FAT3: variants seen among roughly 807,000 people sequenced by gnomAD.
FAT3 encodes FAT atypical cadherin 3.
FAT3 carries 95 observed loss-of-function variants against 310.2 expected under a neutral mutation model. That is an observed-to-expected ratio of 0.31 (90% CI 0.26 to 0.36). The LOEUF (loss-of-function observed/expected upper bound fraction) is 0.36. Among genes scored for constraint, FAT3 ranks in the 10% least tolerant of loss-of-function variants. The pLI is 1.00. For missense variants in FAT3, 5,408 were observed against 5,715.6 expected, an observed-to-expected ratio of 0.95 and a Z score of 1.74; for synonymous variants, 2,314 against 2,192.9, an observed-to-expected ratio of 1.06 and a Z score of -1.54.
intron 1 of FAT3, among the ~76,000 whole-genome samples, chr11:92,301,490 G>C (rs1946996542): frequency 6.6e-6 from 1 of 151,952 alleles, no homozygotes; most frequent in Admixed American, 6.6e-5. Flanking sequence ...CTTATTTCTG[G>C]GCCCATAGCT....
rs557433144 is a variant in FAT3, at chr11:92,419,723, C to A, written c.3292+64319C>A. ...ATATTTCTTAACCTCCAGCTGTGTA[C>A]CTGTCACTAAAGCCAGGGACCCTGA... On this transcript the variant is annotated intron_variant, in intron 2 of 27. Coordinates refer to ENST00000525166, the MANE Select transcript of FAT3 (RefSeq NM_001367949.2). 3.3e-5 allele frequency among the ~76,000 whole-genome samples: 5 copies of A among 152,186 alleles called. No homozygotes were observed. The East Asian group carries it at 9.7e-4, about 29-fold the overall frequency.
At chr11:92,636,967 G>A (rs993748303) in intron 3 of FAT3, among the ~76,000 whole-genome samples, 1 of 152,190 alleles carries the variant, frequency 6.6e-6, no homozygotes, top group Non-Finnish European at 1.5e-5. Flanking sequence ...GGCCATCACT[G>A]CAGATGCAGC....
At chr11:92,235,869 C>G (rs1864396307) in intron 1 of FAT3, among the ~76,000 whole-genome samples, 1 of 152,160 alleles carries the variant, frequency 6.6e-6, no homozygotes, top group African/African-American at 2.4e-5. Flanking sequence ...GTCCAGCCGC[C>G]TTTCAGTAGC....
At chr11:92,498,265 A>G (rs866577650) in intron 2 of FAT3, 16 of 223,188 alleles carry the variant, frequency 7.2e-5, no homozygotes, top group East Asian at 3.3e-4. Flanking sequence ...AGTTTTCCCA[A>G]TTCAAACTTG....
At chr11:92,744,716 T>C (rs1024769621) in intron 4 of FAT3, among the ~76,000 whole-genome samples, 2 of 152,160 alleles carry the variant, frequency 1.3e-5, no homozygotes, top group African/African-American at 4.8e-5. Context: ...GGAATTTGAA[T>C]TTTTATATGA....
In FAT3 at chr11:92,844,745, T is replaced by G; in HGVS notation, c.11365+13T>G. Reference sequence around the variant, plus strand: ...TGCACCTGCAATGGTGAGTGCAGTTTTGAGTGTTCCCTCTCAACTCCTGAG... The same window carrying G: ...TGCACCTGCAATGGTGAGTGCAGTTGTGAGTGTTCCCTCTCAACTCCTGAG... On this transcript the variant is annotated intron_variant, in intron 19 of 27. Coordinates refer to ENST00000525166, the MANE Select transcript of FAT3 (RefSeq NM_001367949.2). The G allele has an allele frequency of 1.3e-6, 2 of 1,495,942 alleles. No homozygotes were observed. The highest frequency in any genetic ancestry group is 1.4e-5 in the African/African-American group (1 of 72,398). 92.7% of individuals were successfully genotyped at this position (1,495,942 alleles called of 1,614,324 possible).
At chr11:92,226,742 C>G (rs1462414616) in intron 1 of FAT3, among the ~76,000 whole-genome samples, 1 of 152,116 alleles carries the variant, frequency 6.6e-6, no homozygotes, top group East Asian at 1.9e-4. Flanking sequence ...ATCTGGTGGA[C>G]TCCTAGCGCC....
Position 92,280,473 on chromosome 11 carries a change from T to G in FAT3, c.-18+55299T>G, listed in dbSNP as rs988856618. Among the ~76,000 whole-genome samples the G allele has an allele frequency of 2.0e-5, 3 of 152,352 alleles. No homozygotes were observed. In the East Asian group the frequency reaches 5.8e-4, roughly 29 times the overall value. On this transcript the variant is annotated intron_variant, in intron 1 of 27. Transcript: ENST00000525166. ...GTTGAAAACACATATGTATTCCTTT[T>G]TGTGCATTACTGCTGTCCTGCTTAA...
intron 19 of FAT3, among the ~76,000 whole-genome samples, chr11:92,845,397 G>A (rs539369048): frequency 1.3e-5 from 2 of 152,292 alleles, no homozygotes; most frequent in Admixed American, 1.3e-4. Flanking sequence ...AAACAAGTTA[G>A]GAAGCTGTTG....
At chr11:92,276,655 TA>T (rs1486888476) in intron 1 of FAT3, among the ~76,000 whole-genome samples, 1 of 152,064 alleles carries the variant, frequency 6.6e-6, no homozygotes, top group Non-Finnish European at 1.5e-5. Context: ...ATGTATAGAG[TA>T]GACATAGCAC....
At chr11:92,390,758 C>T (rs971043163) in intron 2 of FAT3, among the ~76,000 whole-genome samples, 1 of 152,144 alleles carries the variant, frequency 6.6e-6, no homozygotes, top group African/African-American at 2.4e-5. Flanking sequence ...ATGACCAAAA[C>T]AGGACCTCCA....
intron 3 of FAT3, among the ~76,000 whole-genome samples, chr11:92,617,051 G>A (rs1377765480): frequency 6.6e-6 from 1 of 152,138 alleles, no homozygotes; most frequent in Non-Finnish European, 1.5e-5. Flanking sequence ...AAGTTCTCCT[G>A]GATAATATCC....
Position 92,844,570 on chromosome 11 carries a change from A to T in FAT3, c.11203A>T (p.Ile3735Phe), listed in dbSNP as rs780652730. 6.2e-6 allele frequency: 10 copies of T among 1,614,010 alleles called. No individual in the cohort carries two copies. ...ARRHLENIMR[I>F]SAILEKNCSG... ...AAGACACCTGGAGAATATCATGCGC[A>T]TCTCAGCCATCTTGGAGAAGAACTG... Residue 3735 changes from isoleucine (I) to phenylalanine (F), a missense_variant, in exon 19 of 28, where the codon ATC becomes TTC. By Grantham distance (21) the Ile-to-Phe change is conservative. Around this residue, in one of 5 missense-constraint regions of FAT3, gnomAD observed 4,588 missense variants for 4,809.8 expected, o/e 0.95. Transcript: ENST00000525166.
rs11020093 is a variant in FAT3 at position 92,894,477 on chromosome 11, C to A, written c.*3364C>A. The A allele has an allele frequency of 6.6e-6, 1 of 152,002 alleles. No homozygotes were observed. The highest frequency in any genetic ancestry group is 2.4e-5 in the African/African-American group (1 of 41,388). 9.4% of individuals were successfully genotyped at this position (152,002 alleles called of 1,614,324 possible). On this transcript the variant is annotated 3_prime_UTR_variant, in exon 28 of 28. Transcript: ENST00000525166. ...ATCAATTAATGTCTTTCTCATTTTT[C>A]GAACATGTATGTGCCACCTCCTGGA...
intron 7 of FAT3, among the ~76,000 whole-genome samples, chr11:92,781,384 T>C (rs2136133913): frequency 6.6e-6 from 1 of 151,976 alleles, no homozygotes; most frequent in African/African-American, 2.4e-5. Context: ...TTCTTAAGCT[T>C]ATTTTCCCTA....
chr11:92,765,117 C>T (rs1335741619), intron 6 of FAT3, 28 bp downstream of exon 6: 3 of 1,423,916 alleles, frequency 2.1e-6, no homozygotes, highest in Admixed American at 2.2e-5. Context: ...AGAGCAGTAT[C>T]ATGCAATGTA....
chr11:92,489,851 A>G (rs747997664), intron 2 of FAT3, among the ~76,000 whole-genome samples: 1 of 151,864 alleles, frequency 6.6e-6, no homozygotes, highest in African/African-American at 2.4e-5. Flanking sequence ...CTTGATTCCA[A>G]AAAGTTAAAT....
chr11:92,835,928 C>T (rs1948394548), intron 15 of FAT3, among the ~76,000 whole-genome samples: 1 of 152,132 alleles, frequency 6.6e-6, no homozygotes, highest in Non-Finnish European at 1.5e-5. Flanking sequence ...CCATCCTTCC[C>T]CATCCCTTGG....
intron 3 of FAT3, among the ~76,000 whole-genome samples, chr11:92,639,698 G>C (rs1296274820): frequency 3.3e-5 from 5 of 152,136 alleles, no homozygotes; most frequent in African/African-American, 1.2e-4. Flanking sequence ...GGGCCTGCTG[G>C]TTCTATTCAT....
Sources: allele counts gnomAD v4.1 joint callset (sites outside exome capture counted in the v4.1 genomes callset), GRCh38; gene constraint gnomAD v4.1.1; regional missense constraint gnomAD v4.1.1; transcripts MANE v1.5; gene names NCBI Gene and HGNC (gene_info 2026-07-23, HGNC 2026-07-21).